The following FUS variants were observed in gnomAD, a reference collection of about 807,000 sequenced individuals.
The protein encoded by FUS is FUS RNA binding protein.
A neutral mutation model predicts 82.7 loss-of-function variants in FUS; 5 were observed. The observed-to-expected ratio is 0.06, with a 90% CI of 0.03 to 0.13. The LOEUF is 0.13. Ranked by LOEUF, FUS falls within the 10% of genes least tolerant of loss-of-function variation. The pLI, the probability that FUS is intolerant of heterozygous loss-of-function variation, is 1.00. For synonymous variants in FUS, 281 were observed against 247.4 expected (o/e 1.14, Z -1.27); for missense variants, 512 against 707.8 (o/e 0.72, Z 3.14).
chr16:31,181,104 G>T (rs2079170088), intron 1 of FUS, among the ~76,000 whole-genome samples: 1 of 152,116 alleles, frequency 6.6e-6, no homozygotes, highest in South Asian at 2.1e-4. Context: ...TAGTAGGGGC[G>T]GGGTTTCACC....
chr16:31,184,912 T>C (rs1450168499), intron 5 of FUS, 27 bp from the exon 6 acceptor site: 6 of 1,611,394 alleles, frequency 3.7e-6, no homozygotes, highest in Non-Finnish European at 4.2e-6. Context: ...TGTTTTTTTT[T>C]TTTAATCATT....
Position 31,184,495 on chromosome 16 carries a change from G to C in FUS, c.523+99G>C, listed in dbSNP as rs1238809118. Reference sequence around the variant, plus strand: ...CTCTGTCTCTGTTGCTGAGGCTGGAGTGCAGTGGCACAATCTCGGCTCACT... The same window carrying C: ...CTCTGTCTCTGTTGCTGAGGCTGGACTGCAGTGGCACAATCTCGGCTCACT... On this transcript the variant is annotated intron_variant, in intron 5 of 14. Coordinates refer to ENST00000254108, the MANE Select transcript of FUS (RefSeq NM_004960.4). The C allele has an allele frequency of 4.2e-6, 5 of 1,188,336 alleles. No individual in the cohort carries two copies. In the Admixed American group the frequency reaches 1.0e-4, roughly 25 times the overall value. 73.6% of individuals were successfully genotyped at this position (1,188,336 alleles called of 1,614,324 possible). A position where few individuals can be genotyped will look rare whatever the true frequency, so the allele number is the denominator to read the frequency against.
chr16:31,190,102 C>T lies in FUS; in HGVS notation c.1129C>T (p.Arg377Trp), dbSNP rs766187715. 6.8e-6 allele frequency: 11 copies of T among 1,613,890 alleles called. No homozygotes were observed. Among genetic ancestry groups the T allele is most frequent in the East Asian group, 4.5e-5 (2 of 44,904 alleles). Residue 377 changes from arginine (R) to tryptophan (W), a missense_variant, in exon 11 of 15, where the codon CGG becomes TGG. Coordinates refer to ENST00000254108, the MANE Select transcript of FUS (RefSeq NM_004960.4). ...SFATRRADFN[R>W]GGGNGRGGRG... ...TGCTACTCGCCGGGCAGACTTTAAT[C>T]GGGGTGGTGGCAATGGTCGTGGAGG... is the stretch of plus-strand genomic sequence containing the variant.
rs768911950 is a variant in FUS, at chr16:31,183,628, T to C, written c.191-230T>C. 195 of 547,466 alleles carry C rather than the reference T, an allele frequency of 3.6e-4. 1 individual carries two copies. The highest frequency in any genetic ancestry group is 5.4e-4 in the Non-Finnish European group (164 of 302,386). 33.9% of individuals were successfully genotyped at this position (547,466 alleles called of 1,614,324 possible). ...TTAGAGGGTGGTGCTGGAGATGGTG[T>C]TGGGATTGGCGGGGTGAAATTGGAA... On this transcript the variant is annotated intron_variant, in intron 3 of 14. Coordinates refer to ENST00000254108, the MANE Select transcript of FUS (RefSeq NM_004960.4).
chr16:31,192,561 TTTTA>T (rs2079375788), downstream of FUS: 1 of 492,408 alleles, frequency 2.0e-6, no homozygotes. Flanking sequence ...CCTCTCAAAT[TTTTA>T]TTTTTTATTT....
At chr16:31,191,785 T>G, downstream of FUS, 1 of 590,574 alleles carries the variant, frequency 1.7e-6, no homozygotes, top group African/African-American at 1.8e-5. Context: ...GGAAAGTTGG[T>G]GTATAAATGA....
At chr16:31,185,541 A>T (rs1567473047) in intron 6 of FUS, 1 of 556,708 alleles carries the variant, frequency 1.8e-6, no homozygotes, top group Non-Finnish European at 3.4e-6. Context: ...CTCCTGGGAA[A>T]TAGTAGGGAA....
intron 7 of FUS, 93 bp from the exon 8 acceptor site, chr16:31,188,231 AT>A: frequency 4.4e-6 from 6 of 1,354,506 alleles, no homozygotes; most frequent in South Asian, 3.7e-5. Flanking sequence ...TTTGGTGTTA[AT>A]TTTTTTCCTT....
At chr16:31,187,210 G>A in intron 7 of FUS, 2 of 381,816 alleles carry the variant, frequency 5.2e-6, no homozygotes, top group Non-Finnish European at 4.9e-6. Context: ...TTGTGTCCAA[G>A]GCTTGTGTGT....
intron 7 of FUS, 159 bp downstream of exon 7, chr16:31,186,995 G>T (rs2079280082): frequency 8.2e-6 from 6 of 733,636 alleles, no homozygotes; most frequent in East Asian, 2.6e-5. Flanking sequence ...CTGTTGCCTG[G>T]TGTGTGCTAA....
chr16:31,191,390 T>C lies in FUS; in HGVS notation c.1542-9T>C, dbSNP rs1226194544. The C allele has an allele frequency of 6.2e-7, 1 of 1,611,918 alleles. No homozygotes were observed. Among genetic ancestry groups the C allele is most frequent in the Non-Finnish European group, 8.5e-7 (1 of 1,179,330 alleles). On this transcript the variant is annotated splice_polypyrimidine_tract_variant and intron_variant, in intron 14 of 14. Transcript: ENST00000254108. ...AATGGATACTTAATTTTTTTTTTTTTTTTTGCAGGGGTGAGCACAGACAGG... is the reference window on the plus strand; with the variant it reads ...AATGGATACTTAATTTTTTTTTTTTCTTTTGCAGGGGTGAGCACAGACAGG...
At chr16:31,183,834 A>G in intron 3 of FUS, 24 bp from the exon 4 acceptor site, 1 of 1,613,016 alleles carries the variant, frequency 6.2e-7, no homozygotes, top group Non-Finnish European at 8.5e-7. Context: ...GGCTTTTGTG[A>G]CTCCCTTTTT....
At chr16:31,185,290 A>T (rs1349206096) in intron 6 of FUS, 111 bp downstream of exon 6, 2 of 1,301,468 alleles carry the variant, frequency 1.5e-6, no homozygotes, top group Non-Finnish European at 2.1e-6. Flanking sequence ...TTGTCTAGGG[A>T]TCTGTGAGGG....
rs777102516 is a variant in FUS at position 31,190,987 on chromosome 16, G to T, written c.1418G>T (p.Arg473Leu). The T allele has an allele frequency of 6.2e-7, 1 of 1,613,430 alleles. No individual in the cohort carries two copies. Among genetic ancestry groups the T allele is most frequent in the African/African-American group, 1.3e-5 (1 of 74,866 alleles). The change falls in exon 14 of 15, where the codon CGT becomes CTT. Residue 473 changes from arginine to leucine, a missense_variant. This residue lies in a region of FUS where 96 missense variants were observed against 120.7 expected (regional missense o/e 0.80). Transcript: ENST00000254108. ...HMGGNYGDDR[R>L]GGRGGYDRGG... ...GGGGGTAACTACGGGGATGATCGTC[G>T]TGGTGGCAGAGGAGGCTATGATCGA...
At chr16:31,189,286 A>G (rs1024491242) in intron 9 of FUS, 60 bp downstream of exon 9, 22 of 1,237,338 alleles carry the variant, frequency 1.8e-5, no homozygotes, top group African/African-American at 1.0e-4. Context: ...GATTTCACAC[A>G]TTAGTAAAAG....
At chr16:31,183,016 TTTC>T (rs2079204362) in intron 3 of FUS, 1 of 357,762 alleles carries the variant, frequency 2.8e-6, no homozygotes, top group African/African-American at 2.1e-5. Flanking sequence ...GAATGTTGCT[TTTC>T]TTAAACCTGA....
chr16:31,184,179 G>A, intron 4 of FUS, 30 bp from the exon 5 acceptor site: 1 of 1,614,194 alleles, frequency 6.2e-7, no homozygotes. Flanking sequence ...TGCTGGGATT[G>A]TGATTGTGTT....
chr16:31,182,064 C>T (rs187325128), intron 1 of FUS, among the ~76,000 whole-genome samples: 21 of 151,902 alleles, frequency 1.4e-4, no homozygotes, highest in African/African-American at 4.6e-4. Context: ...TGCAATGGCT[C>T]ACTGCAACCT....
chr16:31,185,285 T>A, intron 6 of FUS, 106 bp downstream of exon 6: 1 of 1,335,432 alleles, frequency 7.5e-7, no homozygotes, highest in Non-Finnish European at 1.0e-6. Flanking sequence ...TCTTGTTGTC[T>A]AGGGATCTGT....
Sources: allele counts gnomAD v4.1 joint callset (sites outside exome capture counted in the v4.1 genomes callset), GRCh38; gene constraint gnomAD v4.1.1; regional missense constraint gnomAD v4.1.1; transcripts MANE v1.5; gene names NCBI Gene and HGNC (gene_info 2026-07-23, HGNC 2026-07-21).